HAUS6: variants seen among roughly 807,000 people sequenced by gnomAD.
HAUS6 encodes the protein HAUS augmin-like complex subunit 6.
In HAUS6, 80 loss-of-function variants were observed where a neutral mutation model predicts 106.8. The observed-to-expected ratio is 0.75, with a 90% CI of 0.63 to 0.90. HAUS6 has a LOEUF of 0.90. Ranked by LOEUF, HAUS6 falls within the 40% of genes least tolerant of loss-of-function variation. The probability of loss-of-function intolerance (pLI) is 0.00; values close to 1 mark genes in which losing one functional copy is unlikely to be tolerated. For synonymous variants in HAUS6, 356 were observed against 379.1 expected (o/e 0.94, Z 0.71); for missense variants, 1,155 against 1,118.1 (o/e 1.03, Z -0.47).
intron 10 of HAUS6, among the ~76,000 whole-genome samples, chr9:19,077,659 A>G (rs978229719): frequency 6.6e-6 from 1 of 152,222 alleles, no homozygotes; most frequent in African/African-American, 2.4e-5. Context: ...TACAGAAACC[A>G]TAACATAGAA....
At chr9:19,076,990 C>T (rs1170946515) in intron 10 of HAUS6, among the ~76,000 whole-genome samples, 6 of 152,118 alleles carry the variant, frequency 3.9e-5, no homozygotes, top group Non-Finnish European at 7.4e-5. Flanking sequence ...CCTGCAGAGA[C>T]ACACCACAAC....
At chr9:19,079,220 AT>A (rs1175226252) in intron 9 of HAUS6, among the ~76,000 whole-genome samples, 10 of 145,934 alleles carry the variant, frequency 6.9e-5, no homozygotes, top group South Asian at 2.2e-4. Flanking sequence ...CCATTTTATT[AT>A]TTTTTTTTCT....
chr9:19,057,655 C>A, intron 16 of HAUS6: 1 of 373,100 alleles, frequency 2.7e-6, no homozygotes, highest in Middle Eastern at 7.2e-4. Flanking sequence ...GTTTAAAAAC[C>A]ACCTTCCACT....
Position 19,058,074 on chromosome 9 carries a change from G to A in HAUS6, c.2693C>T (p.Thr898Met), listed in dbSNP as rs148788726. 28 of 1,613,694 alleles carry A rather than the reference G, an allele frequency of 1.7e-5. No homozygotes were observed. The highest frequency in any genetic ancestry group is 2.2e-5 in the East Asian group (1 of 44,894). ...HTEHIKPSLR[T>M]SIGERKRSLS... ...AGACCGTTTTCTTTCACCGATGGAC[G>A]TGCGTAAAGATGGCTTTATATGCTC... The change falls in exon 16 of 17, where the codon ACG becomes ATG. Residue 898 changes from threonine (T) to methionine (M), a missense_variant. Thr to Met is a moderately conservative substitution (Grantham distance 81). Around this residue, in one of 3 missense-constraint regions of HAUS6, gnomAD observed 380 missense variants for 394.8 expected, o/e 0.96. Coordinates refer to ENST00000380502, the MANE Select transcript of HAUS6 (RefSeq NM_017645.5).
intron 7 of HAUS6, among the ~76,000 whole-genome samples, chr9:19,086,226 G>A (rs1335542222): frequency 6.6e-6 from 1 of 151,742 alleles, no homozygotes; most frequent in Non-Finnish European, 1.5e-5. Context: ...CAGGAGAATT[G>A]CTTGAACCCA....
intron 1 of HAUS6, among the ~76,000 whole-genome samples, chr9:19,101,080 A>G (rs1588633203): frequency 6.6e-6 from 1 of 152,238 alleles, no homozygotes; most frequent in South Asian, 2.1e-4. Flanking sequence ...AAATAGCTAG[A>G]AAAGAACTGA....
rs755693702 is a variant in HAUS6 at position 19,058,095 on chromosome 9, T to G, written c.2672A>C (p.His891Pro). 1 of 1,614,192 alleles carries G rather than the reference T, an allele frequency of 6.2e-7. No individual in the cohort carries two copies. The highest frequency in any genetic ancestry group is 1.1e-5 in the South Asian group (1 of 91,084). Residue 891 changes from histidine to proline, a missense_variant, in exon 16 of 17, where the codon CAT becomes CCT. By Grantham distance (77) the His-to-Pro change is moderately conservative (BLOSUM62 -2). Coordinates refer to ENST00000380502, the MANE Select transcript of HAUS6 (RefSeq NM_017645.5). The stretch of plus-strand genomic sequence containing the variant: ...GGACGTGCGTAAAGATGGCTTTATA[T>G]GCTCAGTATGCAAATCACAGGTGTC... ...FLDTCDLHTE[H>P]IKPSLRTSIG...
intron 12 of HAUS6, 123 bp downstream of exon 12, chr9:19,070,096 A>G (rs1204171768): frequency 9.4e-6 from 6 of 638,972 alleles, no homozygotes; most frequent in South Asian, 7.7e-5. Context: ...GTAATACAGA[A>G]AAGTTCTCCA....
At chr9:19,059,190 C>A (rs967615979) in intron 15 of HAUS6, among the ~76,000 whole-genome samples, 189 bp from the exon 16 acceptor site, 1 of 152,190 alleles carries the variant, frequency 6.6e-6, no homozygotes, top group Non-Finnish European at 1.5e-5. Flanking sequence ...TCCAACTGCT[C>A]GCACAAATAA....
chr9:19,062,915 C>A (rs1032967613), intron 14 of HAUS6, 93 bp downstream of exon 14: 9 of 958,652 alleles, frequency 9.4e-6, no homozygotes, highest in Non-Finnish European at 1.3e-5. Flanking sequence ...TTCCTCTTGC[C>A]GAAACCTCCC....
rs1386980074 is a variant in HAUS6 at position 19,075,989 on chromosome 9, A to G, written c.1294+613T>C. On this transcript the variant is annotated intron_variant, in intron 11 of 16. Transcript: ENST00000380502. Reference sequence around the variant, plus strand: ...AAAAAAAAAAAAAAAACACAAGTACATTACTGGCTGCCAGGGACTAGCGGG... The same window carrying G: ...AAAAAAAAAAAAAAAACACAAGTACGTTACTGGCTGCCAGGGACTAGCGGG... Among the ~76,000 whole-genome samples, 3 of 150,962 alleles carry G rather than the reference A, an allele frequency of 2.0e-5. No individual in the cohort carries two copies. In the East Asian group the frequency reaches 5.9e-4, roughly 30 times the overall value.
At chr9:19,082,026 T>G (rs1837162098) in intron 8 of HAUS6, among the ~76,000 whole-genome samples, 1 of 152,208 alleles carries the variant, frequency 6.6e-6, no homozygotes, top group Non-Finnish European at 1.5e-5. Flanking sequence ...CCAGATAATG[T>G]CCCATAAGCA....
chr9:19,071,165 G>A (rs1307133102), intron 11 of HAUS6, among the ~76,000 whole-genome samples: 1 of 152,266 alleles, frequency 6.6e-6, no homozygotes, highest in Non-Finnish European at 1.5e-5. Context: ...AAGAAGTAAG[G>A]ATTACAGAGG....
intron 7 of HAUS6, 100 bp from the exon 8 acceptor site, chr9:19,083,143 G>A (rs1455565644): frequency 3.7e-6 from 2 of 541,728 alleles, no homozygotes; most frequent in Non-Finnish European, 6.2e-6. Flanking sequence ...TTCCTAGAAT[G>A]ATTTCTAGTA....
chr9:19,059,031 C>T, intron 15 of HAUS6, 30 bp from the exon 16 acceptor site: 1 of 1,208,308 alleles, frequency 8.3e-7, no homozygotes, highest in South Asian at 1.3e-5. Context: ...ACACAGTTTA[C>T]TAACATTCCC....
chr9:19,073,074 T>C (rs986836296), intron 11 of HAUS6, among the ~76,000 whole-genome samples: 41 of 152,146 alleles, frequency 2.7e-4, no homozygotes, highest in African/African-American at 8.9e-4. Flanking sequence ...AAATTTATTT[T>C]ATAAACATAC....
chr9:19,061,923 C>T (rs1378288001), intron 14 of HAUS6, among the ~76,000 whole-genome samples: 4 of 152,200 alleles, frequency 2.6e-5, no homozygotes, highest in Non-Finnish European at 2.9e-5. Flanking sequence ...AAGGAGGGAA[C>T]TCTAATACCT....
At chr9:19,086,522 A>T (rs1420273408) in intron 7 of HAUS6, among the ~76,000 whole-genome samples, 4 of 151,796 alleles carry the variant, frequency 2.6e-5, no homozygotes, top group Non-Finnish European at 5.9e-5. Context: ...TAGGAGGCTG[A>T]GGCAACAGAA....
At chr9:19,074,558 T>G (rs1836951522) in intron 11 of HAUS6, among the ~76,000 whole-genome samples, 1 of 152,090 alleles carries the variant, frequency 6.6e-6, no homozygotes, top group Admixed American at 6.6e-5. Context: ...AGGTGTGAGC[T>G]GCTATGCCCA....
Sources: gnomAD v4.1 joint callset for allele counts (sites outside exome capture counted in the v4.1 genomes callset) on GRCh38, gnomAD v4.1.1 for gene constraint, gnomAD v4.1.1 regional missense constraint, MANE v1.5 for transcripts, NCBI Gene and HGNC (gene_info 2026-07-23, HGNC 2026-07-21) for gene names.